The following MIS18A variants were observed in gnomAD, a reference collection of about 807,000 sequenced individuals.
The protein encoded by MIS18A is protein Mis18-alpha.
MIS18A carries 14 observed loss-of-function variants against 25.0 expected under a neutral mutation model. That is an observed-to-expected ratio of 0.56 (90% CI 0.37 to 0.88). MIS18A has a LOEUF of 0.88. Among genes scored for constraint, MIS18A ranks in the 40% least tolerant of loss-of-function variants. MIS18A has a pLI of 0.00. For synonymous variants in MIS18A, 134 were observed against 118.6 expected, an observed-to-expected ratio of 1.13 and a Z score of -0.84; for missense variants, 292 against 290.8, an observed-to-expected ratio of 1.00 and a Z score of -0.03.
the MIS18A span, among the ~76,000 whole-genome samples, chr21:32,221,661 C>T: frequency 0.078 from 11,645 of 148,466 alleles, 534 homozygotes; most frequent in African/African-American, 0.11. Context: ...GGGTGGATCA[C>T]GAGGTCAGGA....
At chr21:32,172,566 G>A in the MIS18A span, among the ~76,000 whole-genome samples, 3 of 145,184 alleles carry the variant, frequency 2.1e-5, no homozygotes, top group South Asian at 2.2e-4. Context: ...TCCCAGATGC[G>A]TTTTTTTTCC....
the MIS18A span, among the ~76,000 whole-genome samples, chr21:32,164,539 CTG>C: frequency 6.6e-6 from 1 of 152,072 alleles, no homozygotes. Context: ...ACCAATATGG[CTG>C]TTAATTTCTG....
At chr21:32,205,845 G>A in the MIS18A span, among the ~76,000 whole-genome samples, 2 of 152,240 alleles carry the variant, frequency 1.3e-5, no homozygotes, top group Non-Finnish European at 2.9e-5. Context: ...AGAAAGGAGA[G>A]GTAAGGTTCA....
At chr21:32,216,700 C>A in the MIS18A span, among the ~76,000 whole-genome samples, 9 of 152,208 alleles carry the variant, frequency 5.9e-5, no homozygotes, top group East Asian at 1.7e-3. Context: ...CTGAGAAGGG[C>A]TGGCTGACTT....
rs763330635 is a variant in MIS18A at position 32,269,729 on chromosome 21, T to C, written c.599A>G (p.Glu200Gly). 3 of 1,606,258 alleles carry C rather than the reference T, an allele frequency of 1.9e-6. No individual in the cohort carries two copies. The highest frequency in any genetic ancestry group is 2.6e-6 in the Non-Finnish European group (3 of 1,172,838). Residue 200 changes from glutamate (E) to glycine (G), a missense_variant, in exon 4 of 5, where the codon GAA becomes GGA. Glu to Gly is a moderately conservative substitution (Grantham distance 98). Transcript: ENST00000290130. ...KELFNLESRV[E>G]IEKSLTQMED... is the part of the protein sequence containing the mutation. ...TACCTGTGTTAGAGACTTTTCTATTTCAACTCTGCTTTCAAGATTAAAAAG... is the reference window on the plus strand; with the variant it reads ...TACCTGTGTTAGAGACTTTTCTATTCCAACTCTGCTTTCAAGATTAAAAAG...
At chr21:32,275,646 A>G (rs2031795075) in intron 1 of MIS18A, among the ~76,000 whole-genome samples, 1 of 152,160 alleles carries the variant, frequency 6.6e-6, no homozygotes. Context: ...GGGACATCTG[A>G]CCTAAAATGG....
chr21:32,196,971 A>G, the MIS18A span, among the ~76,000 whole-genome samples: 2 of 152,212 alleles, frequency 1.3e-5, no homozygotes, highest in African/African-American at 2.4e-5. Context: ...ACACACACAG[A>G]AAGTTTACAT....
chr21:32,237,543 G>T, the MIS18A span, among the ~76,000 whole-genome samples: 1 of 152,052 alleles, frequency 6.6e-6, no homozygotes, highest in African/African-American at 2.4e-5. Context: ...GCTTCATTTG[G>T]AGTTGATAAG....
chr21:32,237,323 G>T, the MIS18A span, among the ~76,000 whole-genome samples: 1 of 152,324 alleles, frequency 6.6e-6, no homozygotes, highest in African/African-American at 2.4e-5. Flanking sequence ...CCCTGAGGTT[G>T]CCAGGTTGCT....
intron 4 of MIS18A, 68 bp from the exon 5 acceptor site, chr21:32,269,185 ATAAT>A (rs2031668158): frequency 4.4e-6 from 5 of 1,141,104 alleles, no homozygotes; most frequent in Non-Finnish European, 3.8e-6. Context: ...ATGGTTAAAT[ATAAT>A]TAAGATATAC....
At chr21:32,177,791 G>T in the MIS18A span, among the ~76,000 whole-genome samples, 30 of 152,146 alleles carry the variant, frequency 2.0e-4, no homozygotes, top group African/African-American at 7.0e-4. Context: ...TTATTAGTAA[G>T]TAAAGAGAGA....
intron 2 of MIS18A, among the ~76,000 whole-genome samples, chr21:32,271,655 AG>A: frequency 6.6e-6 from 1 of 152,198 alleles, no homozygotes. Context: ...TATGTTGCCC[AG>A]GCTGGTCTCG....
intron 3 of MIS18A, 140 bp from the exon 4 acceptor site, chr21:32,269,943 A>G: frequency 1.6e-6 from 1 of 613,884 alleles, no homozygotes; most frequent in Non-Finnish European, 2.9e-6. Context: ...ACCCCGGGCA[A>G]TATGCCTGTA....
the MIS18A span, among the ~76,000 whole-genome samples, chr21:32,164,129 C>T: frequency 6.6e-6 from 1 of 152,244 alleles, no homozygotes; most frequent in African/African-American, 2.4e-5. Flanking sequence ...CCAAACACCT[C>T]CCACTAGCCC....
At chr21:32,263,810 T>C (rs557365249), downstream of MIS18A, among the ~76,000 whole-genome samples, 6 of 150,368 alleles carry the variant, frequency 4.0e-5, no homozygotes, top group South Asian at 4.2e-4. Context: ...AAGCCTTCTT[T>C]TTTTTTTTTT....
At chr21:32,206,779 G>T in the MIS18A span, among the ~76,000 whole-genome samples, 1 of 152,104 alleles carries the variant, frequency 6.6e-6, no homozygotes, top group African/African-American at 2.4e-5. Flanking sequence ...TATTAAAGGA[G>T]ATCAGGTCAC....
At chr21:32,259,033 C>A in the MIS18A span, among the ~76,000 whole-genome samples, 1 of 151,954 alleles carries the variant, frequency 6.6e-6, no homozygotes, top group Non-Finnish European at 1.5e-5. Flanking sequence ...GCTACCACTG[C>A]TAACTTTTTA....
the MIS18A span, among the ~76,000 whole-genome samples, chr21:32,239,381 C>G: frequency 6.6e-6 from 1 of 152,104 alleles, no homozygotes; most frequent in Non-Finnish European, 1.5e-5. Flanking sequence ...ATTTTTCATT[C>G]CCAGGAGCAA....
At chr21:32,277,988 A>G (rs201946378) in intron 1 of MIS18A, 1 of 152,186 alleles carries the variant, frequency 6.6e-6, no homozygotes, top group African/African-American at 2.4e-5. Flanking sequence ...TCCAAAAACA[A>G]CAGCCATTCT....
Sources: allele counts gnomAD v4.1 joint callset (sites outside exome capture counted in the v4.1 genomes callset), GRCh38; gene constraint gnomAD v4.1.1; transcripts MANE v1.5; gene names NCBI Gene and HGNC (gene_info 2026-07-23, HGNC 2026-07-21).